Variants in PITPNM3 observed in about 807,000 individuals in gnomAD.
PITPNM3 encodes the protein PITPNM family member 3, also known as membrane-associated phosphatidylinositol transfer protein 3.
PITPNM3 carries 26 observed loss-of-function variants against 102.0 expected under a neutral mutation model. The ratio of observed to expected loss-of-function variants is 0.25; its 90% confidence interval spans 0.19 to 0.35. The LOEUF is 0.35. Ranked by LOEUF, PITPNM3 falls within the 10% of genes least tolerant of loss-of-function variation. The pLI is 1.00. For missense variants in PITPNM3, 1,083 were observed against 1,346.1 expected (o/e 0.80, Z 3.06); for synonymous variants, 578 against 558.6 (o/e 1.03, Z -0.49).
intron 4 of PITPNM3, among the ~76,000 whole-genome samples, chr17:6,488,128 AAGC>A (rs1426419553): frequency 2.0e-5 from 3 of 152,076 alleles, no homozygotes; most frequent in African/African-American, 7.2e-5. Flanking sequence ...CCCTGTAGAC[AAGC>A]AGGGGCAGCC....
intron 4 of PITPNM3, among the ~76,000 whole-genome samples, chr17:6,498,600 C>T (rs1220444097): frequency 2.0e-5 from 3 of 152,032 alleles, no homozygotes; most frequent in African/African-American, 7.2e-5. Context: ...ATGCAATGGT[C>T]CAGGAGAGAG....
rs527409253 is a variant in PITPNM3, at chr17:6,553,705, C to T, written c.22+2680G>A. Among the ~76,000 whole-genome samples, 7 of 152,316 alleles carry T rather than the reference C, an allele frequency of 4.6e-5. No individual in the cohort carries two copies. The East Asian group carries it at 7.7e-4, about 17-fold the overall frequency. ...CACAGGCCGGGTGCCACAGCCTCCA[C>T]TCCTGGCCTTCAGCAGCCCTTTGTT... On this transcript the variant is annotated intron_variant, in intron 1 of 19. Coordinates refer to ENST00000262483, the MANE Select transcript of PITPNM3 (RefSeq NM_031220.4).
At position 6,477,085 on chromosome 17, in the gene PITPNM3, G is replaced by A. The variant is rs370805449; in HGVS notation, c.1029C>T (p.Ser343=). Residue 343 remains serine (S), a synonymous_variant, in exon 9 of 20, where the codon AGC becomes AGT. Transcript: ENST00000262483. ...EPKRPLPRKQ[S]DSSTYDCEAI... is the part of the protein sequence containing the mutation. The stretch of plus-strand genomic sequence containing the variant: ...CCTCGCAGTCATAGGTGGAGGAGTC[G>A]CTCTGTTTCCGCGGCAACGGCCTCT... The A allele has an allele frequency of 1.2e-5, 19 of 1,613,982 alleles. No individual in the cohort carries two copies. Among genetic ancestry groups the A allele is most frequent in the African/African-American group, 1.1e-4 (8 of 74,910 alleles).
At chr17:6,532,223 A>C (rs941390912) in intron 2 of PITPNM3, among the ~76,000 whole-genome samples, 3 of 151,902 alleles carry the variant, frequency 2.0e-5, no homozygotes, top group African/African-American at 7.3e-5. Flanking sequence ...CTCATTACTC[A>C]GCTCTCAGCT....
At chr17:6,474,328 C>A in intron 10 of PITPNM3, 104 bp downstream of exon 10, 1 of 1,445,732 alleles carries the variant, frequency 6.9e-7, no homozygotes, top group East Asian at 2.4e-5. Flanking sequence ...CTCTGTGACC[C>A]TCCCTGCCCC....
intron 1 of PITPNM3, among the ~76,000 whole-genome samples, chr17:6,546,265 C>T (rs908961221): frequency 5.9e-5 from 9 of 152,214 alleles, no homozygotes; most frequent in Admixed American, 2.0e-4. Flanking sequence ...TCAGGGGACA[C>T]GCCAGGAGCC....
At chr17:6,502,040 C>T (rs982126940) in intron 4 of PITPNM3, among the ~76,000 whole-genome samples, 45 of 152,380 alleles carry the variant, frequency 3.0e-4, no homozygotes, top group African/African-American at 1.1e-3. Context: ...CTGCCCTTTC[C>T]ATGGCCTGAT....
intron 3 of PITPNM3, among the ~76,000 whole-genome samples, chr17:6,515,724 A>G (rs1024406305): frequency 1.3e-5 from 1 of 76,464 alleles, no homozygotes; most frequent in Non-Finnish European, 2.8e-5. Context: ...ACCCATATCT[A>G]ACCTACAGAA....
chr17:6,493,171 T>A (rs1213589216), intron 4 of PITPNM3, among the ~76,000 whole-genome samples: 1 of 152,220 alleles, frequency 6.6e-6, no homozygotes, highest in African/African-American at 2.4e-5. Flanking sequence ...GTAGTGGGGC[T>A]GCCACAGTTA....
At position 6,526,043 on chromosome 17, in the gene PITPNM3, TGGA is replaced by T. The variant is rs955543856; in HGVS notation, c.119-583_119-581del. ...GCTGCAGAAGCAGCTCTGGAGTAAC[TGGA>T]GGAGAAGAAACCTTCCGGTTCTAAG... On this transcript the variant is annotated intron_variant, in intron 2 of 19. Transcript: ENST00000262483. 3.1e-4 allele frequency among the ~76,000 whole-genome samples: 47 copies of T among 152,220 alleles called. 1 individual carries two copies. The highest frequency in any genetic ancestry group is 1.1e-3 in the African/African-American group (46 of 41,454).
At position 6,483,667 on chromosome 17, in the gene PITPNM3, T is replaced by A. The variant is rs1597376085; in HGVS notation, c.437A>T (p.Asp146Val). The A allele has an allele frequency of 1.2e-6, 2 of 1,609,370 alleles. No individual in the cohort carries two copies. Among genetic ancestry groups the A allele is most frequent in the Admixed American group, 3.4e-5 (2 of 59,628 alleles). ...GATGTCGGCTGCCTTGCAGGACGGG[T>A]CCCCGGCACCCGTGTCCAGGATGTT... ...GGNILDTGAG[D>V]PSCKAADIHT... Residue 146 changes from aspartate (D) to valine (V), a missense_variant, in exon 6 of 20, where the codon GAC becomes GTC. This residue lies in a region of PITPNM3 where 290 missense variants were observed against 337.8 expected (regional missense o/e 0.86). Transcript: ENST00000262483.
Position 6,470,234 on chromosome 17 carries a change from C to A in PITPNM3, c.1773+26G>T. On this transcript the variant is annotated intron_variant, in intron 13 of 19. Coordinates refer to ENST00000262483, the MANE Select transcript of PITPNM3 (RefSeq NM_031220.4). The surrounding 1 kb of genome is among the most constrained non-coding windows in gnomAD (Gnocchi z 4.8). ...GGTACCCCCTTGGGGTGGCTGTGGG[C>A]AGGCCCGCGACTGCGGCAGCAGTAC... The A allele has an allele frequency of 6.3e-7, 1 of 1,578,358 alleles. No individual in the cohort carries two copies. Among genetic ancestry groups the A allele is most frequent in the Non-Finnish European group, 8.6e-7 (1 of 1,161,860 alleles).
Position 6,470,435 on chromosome 17 carries a change from T to C in PITPNM3, c.1625-27A>G. ...TGTGGGTCGGAGAGGAAGGTGAGGA[T>C]GCGTGGCCGGCCCGGGGCCTCACCC... On this transcript the variant is annotated intron_variant, in intron 12 of 19. Coordinates refer to ENST00000262483, the MANE Select transcript of PITPNM3 (RefSeq NM_031220.4). This position sits in a 1 kb window ranked among gnomAD's most constrained non-coding sequence, Gnocchi z 4.8. 1 of 1,613,790 alleles carries C rather than the reference T, an allele frequency of 6.2e-7. No individual in the cohort carries two copies. The highest frequency in any genetic ancestry group is 8.5e-7 in the Non-Finnish European group (1 of 1,179,962).
At chr17:6,510,506 G>A (rs1907806811) in intron 3 of PITPNM3, among the ~76,000 whole-genome samples, 1 of 152,190 alleles carries the variant, frequency 6.6e-6, no homozygotes, top group African/African-American at 2.4e-5. Context: ...TCACTGGACT[G>A]TCACTGCCCC....
At chr17:6,465,758 G>A (rs1904736169) in intron 14 of PITPNM3, among the ~76,000 whole-genome samples, 2 of 152,098 alleles carry the variant, frequency 1.3e-5, no homozygotes, top group African/African-American at 4.8e-5. Flanking sequence ...ACTGGTTTCA[G>A]TTCATTCTGC....
intron 14 of PITPNM3, among the ~76,000 whole-genome samples, chr17:6,467,077 A>G (rs1276782970): frequency 2.4e-5 from 1 of 41,798 alleles, no homozygotes; most frequent in Admixed American, 3.1e-4. Flanking sequence ...CAAAAAAAAA[A>G]AACCAAAAAA....
chr17:6,497,611 C>T (rs2150600155), intron 4 of PITPNM3, among the ~76,000 whole-genome samples: 2 of 152,332 alleles, frequency 1.3e-5, no homozygotes, highest in Middle Eastern at 6.8e-3. Context: ...AGAGCATCTG[C>T]TCTAATGTGT....
At position 6,478,515 on chromosome 17, in the gene PITPNM3, A is replaced by T. The variant is rs747584326; in HGVS notation, c.777+32T>A. On this transcript the variant is annotated intron_variant, in intron 7 of 19. Transcript: ENST00000262483. The surrounding 1 kb of genome is among the most constrained non-coding windows in gnomAD (Gnocchi z 4.4). Reference sequence around the variant, plus strand: ...TCCCAGGCCGGGGCCGGAACAGGGGAGGGGAGAGGAGGAGAGGGCAGGCTG... The same window carrying T: ...TCCCAGGCCGGGGCCGGAACAGGGGTGGGGAGAGGAGGAGAGGGCAGGCTG... The T allele has an allele frequency of 2.5e-6, 4 of 1,610,168 alleles. No homozygotes were observed. The East Asian group carries it at 8.9e-5, about 36-fold the overall frequency.
intron 17 of PITPNM3, among the ~76,000 whole-genome samples, chr17:6,462,880 C>T (rs112079988): frequency 0.016 from 2,466 of 150,288 alleles, 66 homozygotes; most frequent in African/African-American, 0.058. Context: ...TGGGGAGCAC[C>T]ATGTGGAGCA....
Sources: gnomAD v4.1 joint callset for allele counts (sites outside exome capture counted in the v4.1 genomes callset) on GRCh38, gnomAD v4.1.1 for gene constraint, gnomAD v4.1.1 regional missense constraint, Gnocchi (gnomAD v3.1) non-coding constraint, MANE v1.5 for transcripts, NCBI Gene and HGNC (gene_info 2026-07-23, HGNC 2026-07-21) for gene names.